ARHGAP24: variants seen among roughly 807,000 people sequenced by gnomAD.
The protein encoded by ARHGAP24 is Rho GTPase activating protein 24.
ARHGAP24 carries 50 observed loss-of-function variants against 76.4 expected under a neutral mutation model. That is an observed-to-expected ratio of 0.65 (90% confidence interval 0.52 to 0.83). The LOEUF (loss-of-function observed/expected upper bound fraction) is 0.83. Ranked by LOEUF, ARHGAP24 falls within the 40% of genes least tolerant of loss-of-function variation. ARHGAP24 has a pLI of 0.00. For missense variants in ARHGAP24, 930 were observed against 914.2 expected (o/e 1.02, Z -0.22); for synonymous variants, 345 against 323.3 (o/e 1.07, Z -0.72).
At chr4:85,871,521 A>G (rs1022741881) in intron 3 of ARHGAP24, among the ~76,000 whole-genome samples, 2 of 152,170 alleles carry the variant, frequency 1.3e-5, no homozygotes, top group African/African-American at 4.8e-5. Flanking sequence ...AACTACATAC[A>G]CATATTCCAC....
chr4:85,827,352 T>C (rs1425112530), intron 3 of ARHGAP24, among the ~76,000 whole-genome samples: 1 of 152,158 alleles, frequency 6.6e-6, no homozygotes, highest in Non-Finnish European at 1.5e-5. Context: ...ACTTCAATTT[T>C]CTAAGATCCT....
At chr4:85,971,962 G>C in intron 5 of ARHGAP24, 74 bp from the exon 6 acceptor site, 1 of 1,607,238 alleles carries the variant, frequency 6.2e-7, no homozygotes, top group African/African-American at 1.3e-5. Context: ...CTGACTCCTG[G>C]GCTCTTGAAA....
chr4:85,816,357 A>G (rs954713532), intron 3 of ARHGAP24, among the ~76,000 whole-genome samples: 1 of 152,110 alleles, frequency 6.6e-6, no homozygotes, highest in South Asian at 2.1e-4. Context: ...CTCTGTTTCT[A>G]TGAGTTTGAT....
At chr4:85,860,930 T>A (rs1370262696) in intron 3 of ARHGAP24, among the ~76,000 whole-genome samples, 1 of 151,906 alleles carries the variant, frequency 6.6e-6, no homozygotes, top group African/African-American at 2.4e-5. Context: ...TAATCAGTAT[T>A]TAATATCTAT....
chr4:85,826,463 C>G (rs1729717162), intron 3 of ARHGAP24, among the ~76,000 whole-genome samples: 1 of 152,130 alleles, frequency 6.6e-6, no homozygotes, highest in Non-Finnish European at 1.5e-5. Flanking sequence ...TGGTGGCTGC[C>G]CTCAAGATCT....
chr4:85,785,750 G>A (rs551230455), intron 3 of ARHGAP24, among the ~76,000 whole-genome samples: 5 of 152,144 alleles, frequency 3.3e-5, no homozygotes, highest in South Asian at 2.1e-4. Context: ...CATCAGTGCC[G>A]TTGTCAAATT....
chr4:85,739,976 C>T (rs1397950466), intron 3 of ARHGAP24, among the ~76,000 whole-genome samples: 2 of 152,156 alleles, frequency 1.3e-5, no homozygotes, highest in African/African-American at 4.8e-5. Context: ...GCCCCTTGCT[C>T]CCATGCTCCA....
At chr4:85,942,045 C>A in intron 4 of ARHGAP24, 21 bp from the exon 5 acceptor site, 1 of 1,597,532 alleles carries the variant, frequency 6.3e-7, no homozygotes, top group Non-Finnish European at 8.5e-7. Flanking sequence ...CCCAAGTTTA[C>A]TGTGATCCTT....
At chr4:85,555,784 GC>G (rs1377897298) in intron 1 of ARHGAP24, among the ~76,000 whole-genome samples, 2 of 152,218 alleles carry the variant, frequency 1.3e-5, no homozygotes, top group African/African-American at 4.8e-5. Context: ...CCCAGTTGGG[GC>G]TATCAGCCTG....
intron 1 of ARHGAP24, among the ~76,000 whole-genome samples, chr4:85,501,129 G>T (rs957806253): frequency 1.3e-5 from 2 of 152,178 alleles, no homozygotes; most frequent in Non-Finnish European, 1.5e-5. Context: ...TATCAGTGAT[G>T]AACATCTGGG....
chr4:85,658,367 C>A lies in ARHGAP24; in HGVS notation c.181-63518C>A, dbSNP rs186924932. 1.7e-4 allele frequency among the ~76,000 whole-genome samples: 26 copies of A among 152,078 alleles called. No homozygotes were observed. The East Asian group carries it at 4.4e-3, about 26-fold the overall frequency. On this transcript the variant is annotated intron_variant, in intron 2 of 9. Coordinates refer to ENST00000395184, the MANE Select transcript of ARHGAP24 (RefSeq NM_001025616.3). ...TGAGACAAACCTTTTTTCATAAAAA[C>A]CAATTAAAAGAGCTTCTCAGAATTT...
At chr4:85,886,971 T>G (rs1159189659) in intron 3 of ARHGAP24, among the ~76,000 whole-genome samples, 1 of 152,148 alleles carries the variant, frequency 6.6e-6, no homozygotes, top group African/African-American at 2.4e-5. Flanking sequence ...CTTGATCTCA[T>G]TATCAATCAG....
chr4:85,483,428 A>G (rs34786617), intron 1 of ARHGAP24, among the ~76,000 whole-genome samples: 13,361 of 152,144 alleles, frequency 0.088, 707 homozygotes, highest in African/African-American at 0.14. Context: ...TGAGGTCAAC[A>G]TGGCGAAACT....
At chr4:85,868,481 C>T (rs566086156) in intron 3 of ARHGAP24, among the ~76,000 whole-genome samples, 199 of 152,276 alleles carry the variant, frequency 1.3e-3, no homozygotes, top group Non-Finnish European at 2.1e-3. Flanking sequence ...AGGGCCGTTT[C>T]TCCCAATAGA....
chr4:85,495,154 C>A (rs893714067), intron 1 of ARHGAP24, among the ~76,000 whole-genome samples: 2 of 149,792 alleles, frequency 1.3e-5, no homozygotes, highest in Non-Finnish European at 3.0e-5. Flanking sequence ...CTTTTACAAA[C>A]CATTTTGTCT....
chr4:85,515,100 T>G (rs1034091345), intron 1 of ARHGAP24, among the ~76,000 whole-genome samples: 1 of 152,118 alleles, frequency 6.6e-6, no homozygotes, highest in Non-Finnish European at 1.5e-5. Context: ...CTTAGGTGAA[T>G]AATCCTTAGA....
At position 85,853,996 on chromosome 4, in the gene ARHGAP24, G is replaced by A. The variant is rs1013161320; in HGVS notation, c.269-69652G>A. 3.3e-5 allele frequency among the ~76,000 whole-genome samples: 5 copies of A among 151,490 alleles called. 1 individual carries two copies. In the Middle Eastern group the frequency reaches 0.01, roughly 309 times the overall value. On this transcript the variant is annotated intron_variant, in intron 3 of 9. Transcript: ENST00000395184. ...AAAAAAAAACCCCAATTAGCCGGGC[G>A]TGGTGGTGCATGCCTGTAATCTCAG...
At chr4:85,867,922 C>T (rs1409061024) in intron 3 of ARHGAP24, among the ~76,000 whole-genome samples, 4 of 61,512 alleles carry the variant, frequency 6.5e-5, no homozygotes, top group South Asian at 8.4e-4. Context: ...TATATGTACA[C>T]ACACACAAAC....
chr4:85,644,193 T>G (rs756351617), intron 2 of ARHGAP24, among the ~76,000 whole-genome samples: 7 of 152,122 alleles, frequency 4.6e-5, no homozygotes, highest in Non-Finnish European at 8.8e-5. Context: ...ACCCGACATA[T>G]TACTGTGAAG....
Sources: allele counts gnomAD v4.1 joint callset (sites outside exome capture counted in the v4.1 genomes callset), GRCh38; gene constraint gnomAD v4.1.1; transcripts MANE v1.5; gene names NCBI Gene and HGNC (gene_info 2026-07-23, HGNC 2026-07-21).